ZFR2: variants seen among roughly 807,000 people sequenced by gnomAD.
The protein encoded by ZFR2 is zinc finger RNA-binding protein 2.
ZFR2 carries 104 observed loss-of-function variants against 105.7 expected under a neutral mutation model. The ratio of observed to expected loss-of-function variants is 0.98; its 90% CI spans 0.84 to 1.16. The LOEUF is 1.16. Among genes scored for constraint, ZFR2 ranks in the 50% most tolerant of loss-of-function variants. The probability of loss-of-function intolerance (pLI) is 0.00; values close to 1 mark genes in which losing one functional copy is unlikely to be tolerated. For missense variants in ZFR2, 1,425 were observed against 1,355.5 expected, an observed-to-expected ratio of 1.05 and a Z score of -0.80; for synonymous variants, 634 against 597.7, an observed-to-expected ratio of 1.06 and a Z score of -0.89.
chr19:3,868,268 G>A (rs987893870), intron 1 of ZFR2, among the ~76,000 whole-genome samples: 1 of 146,866 alleles, frequency 6.8e-6, no homozygotes, highest in Non-Finnish European at 1.5e-5. Context: ...AGGAACCCTC[G>A]CTGATCTCTG....
At chr19:3,865,452 T>C (rs941909963) in intron 1 of ZFR2, among the ~76,000 whole-genome samples, 3 of 151,800 alleles carry the variant, frequency 2.0e-5, no homozygotes, top group African/African-American at 7.3e-5. Flanking sequence ...TGGGCTCAGG[T>C]GATCCTCCTA....
chr19:3,809,144 C>T (rs1271422298), intron 16 of ZFR2, among the ~76,000 whole-genome samples, 161 bp from the exon 17 acceptor site: 3 of 152,164 alleles, frequency 2.0e-5, no homozygotes, highest in African/African-American at 7.2e-5. Context: ...CGTGGCAGGG[C>T]TCTGCCACCT....
rs2037795623 is a variant in ZFR2 at position 3,813,696 on chromosome 19, G to A, written c.2242+124C>T. On this transcript the variant is annotated intron_variant, in intron 14 of 18. Coordinates refer to ENST00000262961, the MANE Select transcript of ZFR2 (RefSeq NM_015174.2). The surrounding 1 kb of genome is among the most constrained non-coding windows in gnomAD (Gnocchi z 4.4). ...AATCCTCAGGGGGACAGCAGTGCTG[G>A]AGCGTGGCTGCTGTGGCATTTCCTG... The A allele has an allele frequency of 8.8e-6, 12 of 1,365,458 alleles. No individual in the cohort carries two copies. Among genetic ancestry groups the A allele is most frequent in the Middle Eastern group, 2.6e-4 (1 of 3,806 alleles). 84.6% of individuals were successfully genotyped at this position (1,365,458 alleles called of 1,614,324 possible). A position where few individuals can be genotyped will look rare whatever the true frequency, so the allele number is the denominator to read the frequency against.
chr19:3,835,967 A>G (rs1443130542), intron 1 of ZFR2, among the ~76,000 whole-genome samples: 1 of 151,958 alleles, frequency 6.6e-6, no homozygotes, highest in Non-Finnish European at 1.5e-5. Flanking sequence ...CAAACAAAAC[A>G]AAAAACAGTA....
chr19:3,829,454 TTGTGTG>T (rs113401682), intron 5 of ZFR2, among the ~76,000 whole-genome samples: 10 of 149,646 alleles, frequency 6.7e-5, no homozygotes, highest in African/African-American at 2.4e-4. Flanking sequence ...ATAGGTAGGT[TTGTGTG>T]TGTGTGTGTG....
Position 3,822,068 on chromosome 19 carries a change from C to G in ZFR2, c.1491+13G>C, listed in dbSNP as rs543533337. The G allele has an allele frequency of 1.4e-5, 23 of 1,588,764 alleles. No individual in the cohort carries two copies. The African/African-American group carries it at 3.1e-4, about 21-fold the overall frequency. On this transcript the variant is annotated intron_variant, in intron 9 of 18. Coordinates refer to ENST00000262961, the MANE Select transcript of ZFR2 (RefSeq NM_015174.2). The stretch of plus-strand genomic sequence containing the variant: ...GCCCGGACGGGTGTCGGAGCTCCCC[C>G]TGCTGGACGCACCCGGTACTGCAGC...
chr19:3,825,434 C>A (rs758244733), intron 6 of ZFR2, 27 bp from the exon 7 acceptor site: 1 of 1,545,038 alleles, frequency 6.5e-7, no homozygotes, highest in Admixed American at 2.1e-5. Context: ...CGGGCTCCCG[C>A]GTGAGGGCCG....
At chr19:3,847,246 CA>C (rs948439379) in intron 1 of ZFR2, among the ~76,000 whole-genome samples, 17 of 152,098 alleles carry the variant, frequency 1.1e-4, no homozygotes, top group African/African-American at 3.9e-4. Flanking sequence ...GAGCCGGGGG[CA>C]GGGGGGTGGC....
Position 3,833,742 on chromosome 19 carries a change from T to C in ZFR2, c.301A>G (p.Ser101Gly). ...YSYGQSAAAR[S>G]YEDRPYFQSA... ...TGGAAGTACGGCCTGTCCTCATAGC[T>C]CCTGGCAGCTGCTGACTGTCCGTAG... is the stretch of plus-strand genomic sequence containing the variant. The change falls in exon 3 of 19, where the codon AGC becomes GGC. Residue 101 changes from serine to glycine, a missense_variant. By Grantham distance (56) the Ser-to-Gly change is moderately conservative. Transcript: ENST00000262961. The C allele has an allele frequency of 6.3e-7, 1 of 1,582,820 alleles. No individual in the cohort carries two copies. The highest frequency in any genetic ancestry group is 8.6e-7 in the Non-Finnish European group (1 of 1,164,160).
chr19:3,856,757 G>T (rs2038306460), intron 1 of ZFR2, among the ~76,000 whole-genome samples: 1 of 152,194 alleles, frequency 6.6e-6, no homozygotes, highest in Middle Eastern at 3.2e-3. Context: ...TGGAGACGGA[G>T]TCTTGCTCTG....
intron 1 of ZFR2, chr19:3,852,623 G>T: frequency 1.4e-6 from 1 of 718,196 alleles, no homozygotes. Context: ...GACTGGAAGA[G>T]TAGCAAGGAC....
chr19:3,849,098 T>C (rs535205430), intron 1 of ZFR2, among the ~76,000 whole-genome samples: 2 of 152,342 alleles, frequency 1.3e-5, no homozygotes, highest in East Asian at 3.9e-4. Flanking sequence ...GGAAGCTCCA[T>C]TCTTCTCTGG....
chr19:3,840,030 A>C (rs868639811), intron 1 of ZFR2, among the ~76,000 whole-genome samples: 6 of 152,076 alleles, frequency 3.9e-5, no homozygotes, highest in Middle Eastern at 3.4e-3. Flanking sequence ...TGTGTATGTC[A>C]CCCCGCAACT....
chr19:3,826,822 A>AT (rs1335626819), intron 6 of ZFR2, among the ~76,000 whole-genome samples: 10 of 152,088 alleles, frequency 6.6e-5, no homozygotes, highest in Non-Finnish European at 5.9e-5. Context: ...GGAACACAGC[A>AT]TTGGGTCTCA....
At chr19:3,827,747 C>T (rs1247958684) in intron 5 of ZFR2, 94 bp from the exon 6 acceptor site, 10 of 1,436,946 alleles carry the variant, frequency 7.0e-6, no homozygotes, top group Admixed American at 2.4e-5. Flanking sequence ...CGAGGGAACT[C>T]GGTGGTAACA....
At chr19:3,864,173 C>T (rs1161237405) in intron 1 of ZFR2, among the ~76,000 whole-genome samples, 3 of 152,032 alleles carry the variant, frequency 2.0e-5, no homozygotes, top group Non-Finnish European at 2.9e-5. Context: ...CTCTTGAGGC[C>T]GGTTCAAGAC....
Position 3,807,152 on chromosome 19 carries a change from C to T in ZFR2, c.2643+20G>A. On this transcript the variant is annotated intron_variant, in intron 18 of 18. Transcript: ENST00000262961. ...AGCTGGGGCCTGGGTGTCACCCTTG[C>T]CGTGACTTGACCCTCCTACCTGGGC... 1.9e-6 allele frequency: 3 copies of T among 1,541,002 alleles called. No individual in the cohort carries two copies. Among genetic ancestry groups the T allele is most frequent in the Non-Finnish European group, 1.8e-6 (2 of 1,138,738 alleles).
chr19:3,829,526 T>C (rs2037989260), intron 5 of ZFR2, among the ~76,000 whole-genome samples: 1 of 151,834 alleles, frequency 6.6e-6, no homozygotes, highest in South Asian at 2.1e-4. Flanking sequence ...TTTTGTTTTT[T>C]TGTGGACAAA....
In ZFR2 at chr19:3,819,176, G is replaced by C; in HGVS notation, c.1800C>G (p.Ile600Met). 1 of 1,596,084 alleles carries C rather than the reference G, an allele frequency of 6.3e-7. No individual in the cohort carries two copies. The highest frequency in any genetic ancestry group is 1.8e-5 in the Admixed American group (1 of 55,870). The change falls in exon 12 of 19, where the codon ATC becomes ATG. Residue 600 changes from isoleucine (I) to methionine (M), a missense_variant. By Grantham distance (10) the Ile-to-Met change is conservative. Transcript: ENST00000262961. ...DRHVMCKHAT[I>M]YPTEQELLAV... ...CCAGGAGCTCCTGCTCCGTGGGGTA[G>C]ATGGTGGCGTGCTTGCACATGACGT...
Sources: allele counts gnomAD v4.1 joint callset (sites outside exome capture counted in the v4.1 genomes callset), GRCh38; gene constraint gnomAD v4.1.1; non-coding constraint Gnocchi (gnomAD v3.1); transcripts MANE v1.5; gene names NCBI Gene and HGNC (gene_info 2026-07-23, HGNC 2026-07-21).